Variants in TTLL5 observed in about 807,000 individuals in gnomAD.
TTLL5 encodes tubulin polyglutamylase TTLL5.
TTLL5 carries 132 observed loss-of-function variants against 168.4 expected under a neutral mutation model. The ratio of observed to expected loss-of-function variants is 0.78; its 90% CI spans 0.68 to 0.91. The LOEUF is 0.91. TTLL5 is among the 40% of genes least tolerant of loss of function. The probability of loss-of-function intolerance (pLI) is 0.00; values close to 1 mark genes in which losing one functional copy is unlikely to be tolerated. For missense variants in TTLL5, 1,545 were observed against 1,581.5 expected (o/e 0.98, Z 0.39); for synonymous variants, 546 against 558.6 (o/e 0.98, Z 0.32).
At chr14:75,726,595 T>C (rs1273999756) in intron 12 of TTLL5, among the ~76,000 whole-genome samples, 1 of 152,168 alleles carries the variant, frequency 6.6e-6, no homozygotes, top group Non-Finnish European at 1.5e-5. Flanking sequence ...ATATAAGATT[T>C]ACTAGCTGTG....
chr14:75,801,937 T>C (rs1211729684), intron 27 of TTLL5, among the ~76,000 whole-genome samples: 2 of 152,170 alleles, frequency 1.3e-5, no homozygotes, highest in Non-Finnish European at 2.9e-5. Flanking sequence ...CTCTCTGGAG[T>C]TAGGGCCTGA....
At chr14:75,711,924 C>T (rs1285193956) in intron 9 of TTLL5, 1 of 152,354 alleles carries the variant, frequency 6.6e-6, no homozygotes. Context: ...AGGCTGCACA[C>T]TGTCCAGAAT....
intron 2 of TTLL5, among the ~76,000 whole-genome samples, chr14:75,667,751 G>GTTTTTTTTTTTTTTTTTTTT (rs67181555): frequency 1.1e-5 from 1 of 89,084 alleles, no homozygotes; most frequent in Non-Finnish European, 2.0e-5. Flanking sequence ...ATCTTTTTAT[G>GTTTTTTTTTTTTTTTTTTTT]TTTTTTTTTT....
At chr14:75,681,482 C>G (rs1269552361) in intron 3 of TTLL5, 63 bp from the exon 4 acceptor site, 3 of 1,282,496 alleles carry the variant, frequency 2.3e-6, no homozygotes, top group Non-Finnish European at 3.4e-6. Flanking sequence ...CACCATGTTA[C>G]AGTTTATTTT....
At chr14:75,865,784 G>A (rs1390785953) in intron 29 of TTLL5, among the ~76,000 whole-genome samples, 1 of 152,092 alleles carries the variant, frequency 6.6e-6, no homozygotes, top group Admixed American at 6.6e-5. Flanking sequence ...GATTATACTG[G>A]TTTAGTTTCA....
intron 30 of TTLL5, among the ~76,000 whole-genome samples, chr14:75,901,539 ATTCT>A (rs779738183): frequency 7.2e-5 from 11 of 152,292 alleles, no homozygotes; most frequent in Non-Finnish European, 1.6e-4. Flanking sequence ...GGAGTAGATA[ATTCT>A]TTGTTTGGGG....
At chr14:75,825,570 C>T (rs543075756) in intron 28 of TTLL5, among the ~76,000 whole-genome samples, 1 of 152,220 alleles carries the variant, frequency 6.6e-6, no homozygotes, top group South Asian at 2.1e-4. Flanking sequence ...GAGCTTTTCT[C>T]TGGAGCAGTT....
intron 28 of TTLL5, among the ~76,000 whole-genome samples, chr14:75,828,409 T>C (rs1895356238): frequency 7.3e-6 from 1 of 136,246 alleles, no homozygotes; most frequent in African/African-American, 2.7e-5. Flanking sequence ...AAATATATTA[T>C]TTCTCTTCCT....
intron 23 of TTLL5, among the ~76,000 whole-genome samples, chr14:75,779,237 T>C (rs1164616120): frequency 1.3e-5 from 2 of 152,234 alleles, no homozygotes; most frequent in Non-Finnish European, 2.9e-5. Flanking sequence ...ATAGAACTTT[T>C]TGTGGGTGAC....
intron 30 of TTLL5, among the ~76,000 whole-genome samples, chr14:75,899,022 A>G (rs2032801291): frequency 6.6e-6 from 1 of 152,238 alleles, no homozygotes. Context: ...TTCTGTATGT[A>G]GATAGACTTA....
At chr14:75,851,653 GC>G (rs1380834672) in intron 28 of TTLL5, among the ~76,000 whole-genome samples, 1 of 152,198 alleles carries the variant, frequency 6.6e-6, no homozygotes, top group Non-Finnish European at 1.5e-5. Context: ...GTCCCCTCCA[GC>G]AGGGGCCACC....
At chr14:75,732,490 T>A in intron 13 of TTLL5, 71 bp downstream of exon 13, 4 of 1,309,578 alleles carry the variant, frequency 3.1e-6, no homozygotes, top group Non-Finnish European at 3.3e-6. Flanking sequence ...TTTTTTTTGA[T>A]CATTTCTCTT....
intron 29 of TTLL5, among the ~76,000 whole-genome samples, chr14:75,868,506 T>A (rs2030725925): frequency 6.6e-6 from 1 of 152,194 alleles, no homozygotes; most frequent in Admixed American, 6.5e-5. Flanking sequence ...ACCAAACTAA[T>A]CTGGATTCAA....
chr14:75,773,927 T>TATATATATAGAG (rs1354936334), intron 21 of TTLL5, among the ~76,000 whole-genome samples: 21 of 21,114 alleles, frequency 9.9e-4, no homozygotes, highest in South Asian at 2.9e-3. Flanking sequence ...TATATATATA[T>TATATATATAGAG]AGAGAGAGAG....
At chr14:75,790,963 G>A (rs527846675) in intron 26 of TTLL5, among the ~76,000 whole-genome samples, 1 of 148,184 alleles carries the variant, frequency 6.7e-6, no homozygotes, top group Non-Finnish European at 1.5e-5. Context: ...AAAATTACCC[G>A]GGCCTGGTGG....
chr14:75,783,606 C>T, intron 26 of TTLL5, 76 bp downstream of exon 26: 4 of 1,529,914 alleles, frequency 2.6e-6, no homozygotes, highest in Non-Finnish European at 3.5e-6. Context: ...GTCATCTCTT[C>T]CCTTTGCCTT....
chr14:75,908,845 C>T (rs137921111), intron 31 of TTLL5, among the ~76,000 whole-genome samples: 4 of 152,182 alleles, frequency 2.6e-5, no homozygotes, highest in African/African-American at 7.2e-5. Flanking sequence ...GGTGTGATCA[C>T]GGCTCACTGC....
intron 28 of TTLL5, among the ~76,000 whole-genome samples, chr14:75,848,894 C>T (rs971624666): frequency 6.6e-5 from 10 of 152,158 alleles, no homozygotes; most frequent in African/African-American, 7.2e-5. Context: ...AGGGTCTCTG[C>T]CAGATGTACT....
chr14:75,690,257 G>A lies in TTLL5; in HGVS notation c.437G>A (p.Gly146Glu), dbSNP rs745737228. The A allele has an allele frequency of 1.9e-6, 3 of 1,612,334 alleles. No individual in the cohort carries two copies. The highest frequency in any genetic ancestry group is 4.5e-5 in the East Asian group (2 of 44,792). The change falls in exon 6 of 32, where the codon GGA becomes GAA. Residue 146 changes from glycine to glutamate, a missense_variant. Gly to Glu is a moderately conservative substitution (Grantham distance 98). Transcript: ENST00000298832. The stretch of plus-strand genomic sequence containing the variant: ...ATTATTCGAATGCAGCATACACATG[G>A]ATTCAAGGCTTTTCACATCCTCCCC... The part of the protein sequence containing the change: ...KNIIRMQHTH[G>E]FKAFHILPQT...
Sources: allele counts gnomAD v4.1 joint callset (sites outside exome capture counted in the v4.1 genomes callset), GRCh38; gene constraint gnomAD v4.1.1; transcripts MANE v1.5; gene names NCBI Gene and HGNC (gene_info 2026-07-23, HGNC 2026-07-21).